Variants in ADGRB3 observed in about 807,000 individuals in gnomAD.
The protein encoded by ADGRB3 is brain-specific angiogenesis inhibitor 3.
Under a neutral mutation model 193.4 loss-of-function variants are expected in ADGRB3, and 37 were observed. The observed-to-expected ratio is 0.19, with a 90% CI of 0.15 to 0.25. The LOEUF is 0.25. Among genes scored for constraint, ADGRB3 ranks in the 10% least tolerant of loss-of-function variants. ADGRB3 has a pLI of 1.00. For synonymous variants in ADGRB3, 690 were observed against 644.2 expected, an observed-to-expected ratio of 1.07 and a Z score of -1.08; for missense variants, 1,637 against 1,852.9, an observed-to-expected ratio of 0.88 and a Z score of 2.14.
At chr6:69,377,011 A>T (rs1366419130) in intron 30 of ADGRB3, among the ~76,000 whole-genome samples, 1 of 152,094 alleles carries the variant, frequency 6.6e-6, no homozygotes, top group Non-Finnish European at 1.5e-5. Flanking sequence ...AACATATTTG[A>T]AACATAGACA....
chr6:69,249,924 A>T (rs1429842992), intron 20 of ADGRB3, among the ~76,000 whole-genome samples: 1 of 152,334 alleles, frequency 6.6e-6, no homozygotes, highest in Non-Finnish European at 1.5e-5. Flanking sequence ...AAAGTAAGTA[A>T]ATTAAAATAT....
rs898765684 is a variant in ADGRB3, at chr6:68,848,831, A to C, written c.758-81728A>C. Among the ~76,000 whole-genome samples the C allele has an allele frequency of 3.9e-5, 6 of 152,196 alleles. No homozygotes were observed. In the South Asian group the frequency reaches 1.2e-3, roughly 31 times the overall value. On this transcript the variant is annotated intron_variant, in intron 3 of 31. Coordinates refer to ENST00000370598, the MANE Select transcript of ADGRB3 (RefSeq NM_001704.3). ...ATCAAAATTTAACAAAACCTAAAAAATATTTCATTTATACTGACATTAAAA... is the reference window on the plus strand; with the variant it reads ...ATCAAAATTTAACAAAACCTAAAAACTATTTCATTTATACTGACATTAAAA...
intron 3 of ADGRB3, among the ~76,000 whole-genome samples, chr6:68,895,846 G>A (rs1378251431): frequency 6.6e-6 from 1 of 151,432 alleles, no homozygotes; most frequent in Non-Finnish European, 1.5e-5. Flanking sequence ...TTTTTTTTAA[G>A]TTGATCTGCA....
At chr6:69,245,721 A>G (rs1030386200) in intron 20 of ADGRB3, among the ~76,000 whole-genome samples, 4 of 151,886 alleles carry the variant, frequency 2.6e-5, no homozygotes, top group Non-Finnish European at 5.9e-5. Flanking sequence ...GAGTTTTCCC[A>G]TTAGAGAAAA....
chr6:68,954,680 T>G (rs1768020549), intron 6 of ADGRB3, among the ~76,000 whole-genome samples: 2 of 145,480 alleles, frequency 1.4e-5, no homozygotes, highest in South Asian at 4.7e-4. Flanking sequence ...AATCGTTCAA[T>G]GGCTTTTTTT....
chr6:69,278,415 G>C (rs1767349055), intron 20 of ADGRB3, among the ~76,000 whole-genome samples: 1 of 152,012 alleles, frequency 6.6e-6, no homozygotes, highest in South Asian at 2.1e-4. Context: ...AGTATATTAG[G>C]GGTGAATTAA....
At chr6:69,305,262 A>G (rs964124251) in intron 20 of ADGRB3, among the ~76,000 whole-genome samples, 1 of 151,586 alleles carries the variant, frequency 6.6e-6, no homozygotes, top group Non-Finnish European at 1.5e-5. Context: ...TTTACTTAAC[A>G]CAAAGTTAAT....
At chr6:68,741,974 A>C (rs890588203) in intron 3 of ADGRB3, among the ~76,000 whole-genome samples, 1 of 152,230 alleles carries the variant, frequency 6.6e-6, no homozygotes, top group African/African-American at 2.4e-5. Flanking sequence ...AAAACTTTGA[A>C]CACAAGTTTC....
At chr6:68,984,660 T>A (rs1417535906) in intron 10 of ADGRB3, among the ~76,000 whole-genome samples, 2 of 152,154 alleles carry the variant, frequency 1.3e-5, no homozygotes, top group Non-Finnish European at 2.9e-5. Context: ...TATTATAACA[T>A]TTTTATATGT....
intron 15 of ADGRB3, among the ~76,000 whole-genome samples, chr6:69,052,267 T>C (rs528998752): frequency 6.6e-6 from 1 of 152,234 alleles, no homozygotes; most frequent in Non-Finnish European, 1.5e-5. Context: ...GTTTGTACTA[T>C]GAAAATATTT....
At chr6:68,913,349 T>C (rs1582309765) in intron 3 of ADGRB3, among the ~76,000 whole-genome samples, 2 of 152,154 alleles carry the variant, frequency 1.3e-5, no homozygotes, top group Non-Finnish European at 2.9e-5. Context: ...AGACAAAACT[T>C]CCAGAGGAAC....
intron 3 of ADGRB3, among the ~76,000 whole-genome samples, chr6:68,721,177 A>G (rs1765569393): frequency 4.0e-5 from 6 of 151,824 alleles, no homozygotes; most frequent in Non-Finnish European, 1.5e-5. Flanking sequence ...ACACGCACAC[A>G]TATGTTTATT....
At chr6:68,643,525 C>G (rs1229010978) in intron 3 of ADGRB3, among the ~76,000 whole-genome samples, 1 of 125,176 alleles carries the variant, frequency 8.0e-6, no homozygotes, top group East Asian at 2.8e-4. Context: ...ATCTGTTGTT[C>G]CTTGAAGAAA....
At chr6:68,772,175 A>G (rs1159739901) in intron 3 of ADGRB3, among the ~76,000 whole-genome samples, 1 of 152,042 alleles carries the variant, frequency 6.6e-6, no homozygotes, top group African/African-American at 2.4e-5. Context: ...GACTGCTGTG[A>G]AGTATTGCAG....
intron 16 of ADGRB3, among the ~76,000 whole-genome samples, chr6:69,070,993 T>G (rs1483820259): frequency 6.6e-6 from 1 of 152,216 alleles, no homozygotes; most frequent in Non-Finnish European, 1.5e-5. Context: ...ATTTTCCTAG[T>G]TGTACCTAGT....
At chr6:69,359,664 G>T (rs577061606) in intron 28 of ADGRB3, among the ~76,000 whole-genome samples, 14 of 151,858 alleles carry the variant, frequency 9.2e-5, no homozygotes, top group African/African-American at 3.4e-4. Flanking sequence ...TTGAAAATTG[G>T]ATAATAATGG....
chr6:69,369,015 T>A (rs1242564380), intron 29 of ADGRB3, among the ~76,000 whole-genome samples: 2 of 152,150 alleles, frequency 1.3e-5, no homozygotes, highest in Non-Finnish European at 1.5e-5. Flanking sequence ...AAAATTGGAA[T>A]ATATGTACAG....
intron 26 of ADGRB3, among the ~76,000 whole-genome samples, chr6:69,350,246 T>C (rs1427863065): frequency 6.6e-6 from 1 of 152,156 alleles, no homozygotes; most frequent in Non-Finnish European, 1.5e-5. Context: ...GGAGACAACC[T>C]TGATAGCTTA....
intron 13 of ADGRB3, among the ~76,000 whole-genome samples, chr6:69,026,884 C>A (rs1285734274): frequency 6.6e-6 from 1 of 152,096 alleles, no homozygotes; most frequent in Non-Finnish European, 1.5e-5. Context: ...ATGAATGGAG[C>A]GTACAGGACT....
Sources: allele counts gnomAD v4.1 joint callset (sites outside exome capture counted in the v4.1 genomes callset), GRCh38; gene constraint gnomAD v4.1.1; transcripts MANE v1.5; gene names NCBI Gene and HGNC (gene_info 2026-07-23, HGNC 2026-07-21).